Variants in CALD1 observed in about 807,000 individuals in gnomAD.
CALD1 encodes caldesmon.
In CALD1, 33 loss-of-function variants were observed where a neutral mutation model predicts 99.9. The ratio of observed to expected loss-of-function variants is 0.33; its 90% CI spans 0.25 to 0.44. CALD1 has a LOEUF of 0.44. CALD1 is among the 20% of genes least tolerant of loss of function. The pLI, the probability that CALD1 is intolerant of heterozygous loss-of-function variation, is 1.00. For missense variants in CALD1, 861 were observed against 962.1 expected, an observed-to-expected ratio of 0.89 and a Z score of 1.39; for synonymous variants, 310 against 325.0, an observed-to-expected ratio of 0.95 and a Z score of 0.50.
chr7:134,755,374 G>T (rs1038712158), intron 1 of CALD1, among the ~76,000 whole-genome samples: 2 of 152,108 alleles, frequency 1.3e-5, no homozygotes, highest in Non-Finnish European at 2.9e-5. Context: ...CATTACTGGC[G>T]TGGTGAAAAT....
intron 1 of CALD1, among the ~76,000 whole-genome samples, chr7:134,812,247 C>T (rs918959361): frequency 1.3e-5 from 2 of 152,104 alleles, no homozygotes; most frequent in South Asian, 2.1e-4. Flanking sequence ...CATTACTCTC[C>T]TGCTTCTTAT....
chr7:134,830,306 A>T (rs943805156), intron 1 of CALD1, among the ~76,000 whole-genome samples: 1 of 152,160 alleles, frequency 6.6e-6, no homozygotes, highest in Non-Finnish European at 1.5e-5. Flanking sequence ...TGTGTGTCCA[A>T]ATATAATGCA....
At chr7:134,841,897 C>T (rs1799666185) in intron 1 of CALD1, among the ~76,000 whole-genome samples, 1 of 152,222 alleles carries the variant, frequency 6.6e-6, no homozygotes, top group Non-Finnish European at 1.5e-5. Flanking sequence ...CTCAAGGGCT[C>T]TGCCTGGAAC....
At chr7:134,873,779 TG>T (rs1173289806) in intron 3 of CALD1, among the ~76,000 whole-genome samples, 2 of 152,192 alleles carry the variant, frequency 1.3e-5, no homozygotes, top group African/African-American at 4.8e-5. Flanking sequence ...CCTTACAAAA[TG>T]GGGGTAGTAA....
intron 1 of CALD1, among the ~76,000 whole-genome samples, chr7:134,787,508 G>C (rs1797351797): frequency 6.6e-6 from 1 of 152,138 alleles, no homozygotes; most frequent in Non-Finnish European, 1.5e-5. Context: ...ATCCTGAAGA[G>C]GGGAGAAGCT....
In CALD1 at chr7:134,837,063, G is replaced by C. The variant is rs115508790; in HGVS notation, c.-129-6821G>C. ...TTTTTTTCATAATTTTACCATATGG[G>C]CTTCTCTGAGAACATACATGTAAGC... is the stretch of plus-strand genomic sequence containing the variant. On this transcript the variant is annotated intron_variant, in intron 1 of 14. Coordinates refer to ENST00000361675, the MANE Select transcript of CALD1 (RefSeq NM_033138.4). 5.9e-3 allele frequency among the ~76,000 whole-genome samples: 898 copies of C among 151,546 alleles called. 7 individuals are homozygous for C. Among genetic ancestry groups the C allele is most frequent in the African/African-American group, 0.02 (842 of 41,266 alleles).
At chr7:134,773,188 C>T (rs1796889783) in intron 1 of CALD1, among the ~76,000 whole-genome samples, 1 of 151,550 alleles carries the variant, frequency 6.6e-6, no homozygotes, top group South Asian at 2.1e-4. Flanking sequence ...TTTATGTACA[C>T]TCAGGTGTAA....
intron 1 of CALD1, among the ~76,000 whole-genome samples, chr7:134,801,674 C>A (rs1399545938): frequency 2.0e-5 from 3 of 152,154 alleles, no homozygotes. Flanking sequence ...GGCTCCAGTG[C>A]CGTAGCACAG....
At chr7:134,913,217 G>C (rs1034837517) in intron 3 of CALD1, among the ~76,000 whole-genome samples, 2 of 152,034 alleles carry the variant, frequency 1.3e-5, no homozygotes, top group African/African-American at 4.8e-5. Context: ...AGTGAGCCGA[G>C]ATTATGCCAT....
chr7:134,806,187 T>C (rs1798129588), intron 1 of CALD1, among the ~76,000 whole-genome samples: 1 of 152,242 alleles, frequency 6.6e-6, no homozygotes, highest in African/African-American at 2.4e-5. Flanking sequence ...TTGCCTTTGG[T>C]AGGCCCTGTC....
In CALD1 at chr7:134,959,347, C is replaced by T. The variant is rs147745272; in HGVS notation, c.2062-627C>T. 3.9e-3 allele frequency among the ~76,000 whole-genome samples: 596 copies of T among 152,044 alleles called. 3 individuals carry two copies. Among genetic ancestry groups the T allele is most frequent in the African/African-American group, 0.014 (564 of 41,446 alleles). ...GCACGACTGTATCCCCAGAGCCTAGCAAAGTGCCCTTCATACAGTAGGCAT... is the reference window on the plus strand; with the variant it reads ...GCACGACTGTATCCCCAGAGCCTAGTAAAGTGCCCTTCATACAGTAGGCAT... On this transcript the variant is annotated intron_variant, in intron 11 of 14. Coordinates refer to ENST00000361675, the MANE Select transcript of CALD1 (RefSeq NM_033138.4).
intron 3 of CALD1, among the ~76,000 whole-genome samples, chr7:134,872,147 A>G (rs1422317476): frequency 6.6e-6 from 1 of 152,178 alleles, no homozygotes; most frequent in Non-Finnish European, 1.5e-5. Flanking sequence ...GTGGGTGGTC[A>G]GGAGTTCGAG....
chr7:134,939,468 A>G (rs1806254198), intron 6 of CALD1, among the ~76,000 whole-genome samples: 1 of 152,232 alleles, frequency 6.6e-6, no homozygotes, highest in Non-Finnish European at 1.5e-5. Context: ...CTTGCAGAGA[A>G]TGGCAAAGTA....
chr7:134,963,995 G>A (rs1015688470), intron 13 of CALD1, among the ~76,000 whole-genome samples: 13 of 152,128 alleles, frequency 8.5e-5, no homozygotes, highest in East Asian at 3.9e-4. Flanking sequence ...TCAGGAGATC[G>A]AGACCATCCT....
chr7:134,905,691 A>G (rs1803318308), intron 3 of CALD1, among the ~76,000 whole-genome samples: 1 of 151,370 alleles, frequency 6.6e-6, no homozygotes, highest in South Asian at 2.1e-4. Context: ...GGAAGGATCT[A>G]GCAAGAGACT....
rs1230739822 is a variant in CALD1 at position 134,965,316 on chromosome 7, C to T, written c.2306C>T (p.Pro769Leu). ...CTTCCTTTTTATCAGGACTTGAGACCAGGAGACGTATCCAGCAAGCGGAAC... is the reference window on the plus strand; with the variant it reads ...CTTCCTTTTTATCAGGACTTGAGACTAGGAGACGTATCCAGCAAGCGGAAC... ...SPAPKPSDLR[P>L]GDVSSKRNLW... is the part of the protein sequence containing the mutation. The change falls in exon 14 of 15, where the codon CCA becomes CTA. Residue 769 changes from proline to leucine, a missense_variant. Coordinates refer to ENST00000361675, the MANE Select transcript of CALD1 (RefSeq NM_033138.4). The T allele has an allele frequency of 6.4e-7, 1 of 1,571,446 alleles. No homozygotes were observed. Among genetic ancestry groups the T allele is most frequent in the Middle Eastern group, 1.7e-4 (1 of 5,984 alleles).
intron 1 of CALD1, among the ~76,000 whole-genome samples, chr7:134,784,927 G>A (rs903839120): frequency 6.6e-6 from 1 of 152,158 alleles, no homozygotes; most frequent in Non-Finnish European, 1.5e-5. Context: ...CCTGAGAGAG[G>A]AGATCTGATT....
intron 1 of CALD1, among the ~76,000 whole-genome samples, chr7:134,771,422 A>G (rs1208334431): frequency 5.9e-5 from 9 of 152,002 alleles, no homozygotes; most frequent in Non-Finnish European, 5.9e-5. Context: ...ATAACAGGAG[A>G]CACTCTTGAT....
At chr7:134,810,745 G>A (rs1191877326) in intron 1 of CALD1, among the ~76,000 whole-genome samples, 1 of 152,122 alleles carries the variant, frequency 6.6e-6, no homozygotes, top group Non-Finnish European at 1.5e-5. Flanking sequence ...CTCAGCCTTT[G>A]CATTCTCAGT....
Sources: allele counts gnomAD v4.1 joint callset (sites outside exome capture counted in the v4.1 genomes callset), GRCh38; gene constraint gnomAD v4.1.1; transcripts MANE v1.5; gene names NCBI Gene and HGNC (gene_info 2026-07-23, HGNC 2026-07-21).